The following FLT4 variants were observed in gnomAD, a reference collection of about 807,000 sequenced individuals.
The protein encoded by FLT4 is vascular endothelial growth factor receptor 3.
A neutral mutation model predicts 163.2 loss-of-function variants in FLT4; 30 were observed. That is an observed-to-expected ratio of 0.18 (90% CI 0.14 to 0.25). The LOEUF is 0.25. Ranked by LOEUF, FLT4 falls within the 10% of genes least tolerant of loss-of-function variation. FLT4 has a pLI of 1.00. For missense variants in FLT4, 1,510 were observed against 1,863.8 expected, an observed-to-expected ratio of 0.81 and a Z score of 3.50; for synonymous variants, 884 against 789.5, an observed-to-expected ratio of 1.12 and a Z score of -2.01.
chr5:180,636,537 C>A lies in FLT4; in HGVS notation c.59-4759G>T, dbSNP rs1764703296. Among the ~76,000 whole-genome samples, 1 of 146,286 alleles carries A rather than the reference C, an allele frequency of 6.8e-6. No individual in the cohort carries two copies. Among genetic ancestry groups the A allele is most frequent in the African/African-American group, 2.5e-5 (1 of 40,004 alleles). On this transcript the variant is annotated intron_variant, in intron 1 of 29. Coordinates refer to ENST00000261937, the MANE Select transcript of FLT4 (RefSeq NM_182925.5). This position sits in a 1 kb window ranked among gnomAD's most constrained non-coding sequence, Gnocchi z 4.3. ...TCCCCTCATTCTCTGCTGACCGTAG[C>A]TCCTGGCTCACCATCCCCCCCACCC...
chr5:180,612,567 C>A lies in FLT4; in HGVS notation c.3476G>T (p.Arg1159Ile). The change falls in exon 26 of 30, where the codon AGA (arginine) becomes ATA (isoleucine). Residue 1159 changes from arginine to isoleucine, a missense_variant. Physicochemically the swap from Arg to Ile is moderately conservative, Grantham distance 97. Around this residue, in one of 5 missense-constraint regions of FLT4, gnomAD observed 295 missense variants for 311.0 expected, o/e 0.95. Coordinates refer to ENST00000261937, the MANE Select transcript of FLT4 (RefSeq NM_182925.5). ...CTCCACCAGCTCCGAGAATGCAGGT[C>A]TCGCCTTGGGGTCTCCGGACCAGCA... is the stretch of plus-strand genomic sequence containing the variant. ...LNCWSGDPKA[R>I]PAFSELVEIL... The A allele has an allele frequency of 6.2e-7, 1 of 1,614,100 alleles. No individual in the cohort carries two copies. Among genetic ancestry groups the A allele is most frequent in the South Asian group, 1.1e-5 (1 of 91,084 alleles).
At chr5:180,611,617 C>T (rs1296409780) in intron 26 of FLT4, 138 bp from the exon 27 acceptor site, 4 of 927,486 alleles carry the variant, frequency 4.3e-6, no homozygotes, top group Non-Finnish European at 6.6e-6. Flanking sequence ...CAGCTCTCGC[C>T]CCCGCCCTCG....
In FLT4 at chr5:180,631,754, G is replaced by C; in HGVS notation, c.83C>G (p.Thr28Ser). 1.2e-6 allele frequency: 2 copies of C among 1,610,412 alleles called. No homozygotes were observed. The highest frequency in any genetic ancestry group is 1.7e-6 in the Non-Finnish European group (2 of 1,179,840). The change falls in exon 2 of 30, where the codon ACC (threonine) becomes AGC (serine). Residue 28 changes from threonine to serine, a missense_variant. Physicochemically the swap from Thr to Ser is moderately conservative, Grantham distance 58 (BLOSUM62 1). This residue lies in a region of FLT4 where 157 missense variants were observed against 178.7 expected (regional missense o/e 0.88). Transcript: ENST00000261937. ...CTCCGTGATGTTCAAGGTCGGGGGG[G>C]TCATGGAGTAGCCACTCACCAGGCC... is the stretch of plus-strand genomic sequence containing the variant. ...LDGLVSGYSM[T>S]PPTLNITEES...
At position 180,630,929 on chromosome 5, in the gene FLT4, C is replaced by G; in HGVS notation, c.156-130G>C. ...AGCATGGAACTGCCCAGGGTTTGGG[C>G]GCACACTACAGACCGTGCCCAGGGC... On this transcript the variant is annotated intron_variant, in intron 2 of 29. Coordinates refer to ENST00000261937, the MANE Select transcript of FLT4 (RefSeq NM_182925.5). The surrounding 1 kb of genome is among the most constrained non-coding windows in gnomAD (Gnocchi z 6.3). 1.7e-6 allele frequency: 2 copies of G among 1,152,548 alleles called. No homozygotes were observed. The highest frequency in any genetic ancestry group is 1.2e-6 in the Non-Finnish European group (1 of 834,110). 71.4% of individuals were successfully genotyped at this position (1,152,548 alleles called of 1,614,324 possible).
chr5:180,610,323 T>G (rs533203933), intron 27 of FLT4, among the ~76,000 whole-genome samples: 1 of 152,316 alleles, frequency 6.6e-6, no homozygotes, highest in South Asian at 2.1e-4. Context: ...CTCCCGGGGA[T>G]GGGCTACCCT....
At chr5:180,631,003 T>C (rs902024553) in intron 2 of FLT4, among the ~76,000 whole-genome samples, 12 of 152,250 alleles carry the variant, frequency 7.9e-5, no homozygotes, top group African/African-American at 2.9e-4. Context: ...GGGGCTGGCC[T>C]GTGGCCAAGC....
At chr5:180,610,986 G>A (rs1561694949) in intron 27 of FLT4, among the ~76,000 whole-genome samples, 1 of 152,224 alleles carries the variant, frequency 6.6e-6, no homozygotes, top group African/African-American at 2.4e-5. Flanking sequence ...GAACCTGGGA[G>A]GCGGAGCTTG....
intron 18 of FLT4, 116 bp from the exon 19 acceptor site, chr5:180,619,482 C>A: frequency 1.1e-6 from 1 of 930,058 alleles, no homozygotes; most frequent in Non-Finnish European, 1.7e-6. Context: ...TCCTGCCGGC[C>A]CCACTGAGGC....
At chr5:180,618,163 G>A (rs199548068) in intron 21 of FLT4, among the ~76,000 whole-genome samples, 52 of 68,100 alleles carry the variant, frequency 7.6e-4, no homozygotes, top group African/African-American at 2.1e-3. Context: ...CAGCCTCTGG[G>A]ACACCCACAT....
intron 25 of FLT4, among the ~76,000 whole-genome samples, 185 bp from the exon 26 acceptor site, chr5:180,612,796 C>T (rs1762317041): frequency 6.6e-6 from 1 of 152,136 alleles, no homozygotes; most frequent in Admixed American, 6.5e-5. Flanking sequence ...GTGATGCTTT[C>T]CCTGAACACT....
chr5:180,637,125 C>T (rs1764744180), intron 1 of FLT4, among the ~76,000 whole-genome samples: 2 of 151,956 alleles, frequency 1.3e-5, no homozygotes, highest in Non-Finnish European at 2.9e-5. Flanking sequence ...GAGGCTGAGG[C>T]GGGCGGACCA....
At chr5:180,624,933 AC>A (rs1763481915) in intron 10 of FLT4, among the ~76,000 whole-genome samples, 2 of 152,220 alleles carry the variant, frequency 1.3e-5, no homozygotes, top group Non-Finnish European at 2.9e-5. Context: ...CACAGAGCAT[AC>A]AGGTGGCACA....
At chr5:180,645,299 G>A (rs2127872203) in intron 1 of FLT4, among the ~76,000 whole-genome samples, 1 of 152,356 alleles carries the variant, frequency 6.6e-6, no homozygotes, top group Middle Eastern at 3.4e-3. Flanking sequence ...CCAGGAGGAG[G>A]GGGCCTGAGC....
In FLT4 at chr5:180,630,401, G is replaced by A. The variant is rs965742024; in HGVS notation, c.401-64C>T. On this transcript the variant is annotated intron_variant, in intron 3 of 29. Transcript: ENST00000261937. The surrounding 1 kb of genome is among the most constrained non-coding windows in gnomAD (Gnocchi z 6.3). ...CGGCCAGGCTGGGGGAGGGCTCCAC[G>A]GGGCTGGGTGGTGCTGGTCCTGAAC... The A allele has an allele frequency of 3.7e-5, 57 of 1,555,298 alleles. No individual in the cohort carries two copies. Among genetic ancestry groups the A allele is most frequent in the Non-Finnish European group, 5.0e-5 (57 of 1,140,118 alleles).
chr5:180,602,219 G>A lies in FLT4; in HGVS notation c.*973C>T. The A allele has an allele frequency of 4.2e-6, 1 of 238,620 alleles. No individual in the cohort carries two copies. The highest frequency in any genetic ancestry group is 8.2e-6 in the Non-Finnish European group (1 of 122,064). 14.8% of individuals were successfully genotyped at this position (238,620 alleles called of 1,614,324 possible). A position where few individuals can be genotyped will look rare whatever the true frequency, so the allele number is the denominator to read the frequency against. Reference sequence around the variant, plus strand: ...CGAGCCTTCCTGAGTGGATCCCACAGTGTTCATCTCTCATGAGCTGGTTCA... The same window carrying A: ...CGAGCCTTCCTGAGTGGATCCCACAATGTTCATCTCTCATGAGCTGGTTCA... On this transcript the variant is annotated 3_prime_UTR_variant, in exon 30 of 30. Coordinates refer to ENST00000261937, the MANE Select transcript of FLT4 (RefSeq NM_182925.5).
chr5:180,649,514 A>G lies in FLT4; in HGVS notation c.32T>C (p.Leu11Pro). ...GTCCAGGAGTCCCAGGCAGAGCCAC[A>G]GTCGCAGGCACAGCGCGGCGCCCCG... MQRGAALCLR[L>P]WLCLGLLDGL... The change falls in exon 1 of 30, where the codon CTG becomes CCG. Residue 11 changes from leucine (L) to proline (P), a missense_variant. By Grantham distance (98) the Leu-to-Pro change is moderately conservative. Transcript: ENST00000261937. 6.9e-7 allele frequency: 1 copy of G among 1,452,584 alleles called. No individual in the cohort carries two copies. Among genetic ancestry groups the G allele is most frequent in the East Asian group, 3.1e-5 (1 of 32,206 alleles). The allele number at this position is 1,452,584 out of a possible 1,614,324, so 90.0% of individuals were successfully genotyped here. A position where few individuals can be genotyped will look rare whatever the true frequency, so the allele number is the denominator to read the frequency against.
At chr5:180,645,553 A>G (rs934579585) in intron 1 of FLT4, among the ~76,000 whole-genome samples, 10 of 152,136 alleles carry the variant, frequency 6.6e-5, no homozygotes, top group South Asian at 2.1e-4. Flanking sequence ...CTTTCCCATG[A>G]ACCCCTGCTG....
chr5:180,644,336 C>T (rs973119744), intron 1 of FLT4, among the ~76,000 whole-genome samples: 6 of 152,162 alleles, frequency 3.9e-5, no homozygotes, highest in Admixed American at 1.3e-4. Flanking sequence ...GCACGCCGGG[C>T]GTGTGGTGGA....
chr5:180,612,317 G>A (rs1243019997), intron 26 of FLT4, 189 bp downstream of exon 26: 15 of 614,050 alleles, frequency 2.4e-5, no homozygotes, highest in Non-Finnish European at 3.2e-5. Flanking sequence ...GCTGTGCAGC[G>A]GGTGTGTACT....
Sources: allele counts gnomAD v4.1 joint callset (sites outside exome capture counted in the v4.1 genomes callset), GRCh38; gene constraint gnomAD v4.1.1; regional missense constraint gnomAD v4.1.1; non-coding constraint Gnocchi (gnomAD v3.1); transcripts MANE v1.5; gene names NCBI Gene and HGNC (gene_info 2026-07-23, HGNC 2026-07-21).